Variants in MAP3K5 observed in about 807,000 individuals in gnomAD.
The protein encoded by MAP3K5 is ASK-1.
Under a neutral mutation model 158.7 loss-of-function variants are expected in MAP3K5, and 56 were observed. That is an observed-to-expected ratio of 0.35 (90% CI 0.28 to 0.44). MAP3K5 has a LOEUF of 0.44. MAP3K5 is among the 20% of genes least tolerant of loss of function. The pLI is 1.00. For missense variants in MAP3K5, 1,294 were observed against 1,674.8 expected (o/e 0.77, Z 3.97); for synonymous variants, 579 against 601.7 (o/e 0.96, Z 0.55).
intron 1 of MAP3K5, among the ~76,000 whole-genome samples, chr6:136,728,884 A>G (rs191169544): frequency 6.6e-6 from 1 of 152,252 alleles, no homozygotes; most frequent in East Asian, 1.9e-4. Context: ...GTTGGCCTTA[A>G]AAAGAGTTGA....
intron 3 of MAP3K5, among the ~76,000 whole-genome samples, chr6:136,704,527 C>T (rs906246636): frequency 6.6e-6 from 1 of 152,028 alleles, no homozygotes; most frequent in Admixed American, 6.6e-5. Context: ...ACATTGAATA[C>T]ACTATAAAAG....
At chr6:136,708,499 G>A (rs899076916) in intron 2 of MAP3K5, among the ~76,000 whole-genome samples, 3 of 152,008 alleles carry the variant, frequency 2.0e-5, no homozygotes, top group South Asian at 2.1e-4. Flanking sequence ...CAAGCAATCC[G>A]CCTGCTTCAG....
intron 14 of MAP3K5, among the ~76,000 whole-genome samples, chr6:136,629,516 A>G (rs1387873854): frequency 5.5e-5 from 8 of 144,458 alleles, no homozygotes; most frequent in African/African-American, 1.5e-4. Context: ...GTGCAGTGGC[A>G]CAATCTCAGC....
At chr6:136,786,825 A>T (rs1784869863) in intron 1 of MAP3K5, among the ~76,000 whole-genome samples, 1 of 145,138 alleles carries the variant, frequency 6.9e-6, no homozygotes. Flanking sequence ...TTTTTTTTGA[A>T]ACAGGGTCTC....
At chr6:136,603,339 A>ATTTT (rs746959147) in intron 19 of MAP3K5, among the ~76,000 whole-genome samples, 7 of 132,954 alleles carry the variant, frequency 5.3e-5, no homozygotes, top group African/African-American at 1.7e-4. Context: ...TGCCCCCCTA[A>ATTTT]TTTTTTTTTT....
chr6:136,742,403 G>A (rs1175513332), intron 1 of MAP3K5, among the ~76,000 whole-genome samples: 1 of 151,274 alleles, frequency 6.6e-6, no homozygotes, highest in African/African-American at 2.4e-5. Context: ...TTCAACAAAC[G>A]GTGCTGGAAC....
At chr6:136,734,480 T>A (rs117984119) in intron 1 of MAP3K5, among the ~76,000 whole-genome samples, 2,471 of 143,728 alleles carry the variant, frequency 0.017, 45 homozygotes, top group Non-Finnish European at 0.025. Flanking sequence ...TTGGTAAAAA[T>A]TTCTGTATCG....
rs974569166 is a variant in MAP3K5, at chr6:136,763,512, T to C, written c.448+28198A>G. ...GTGTGTTTTCTACCCACCCTATCTA[T>C]AGAAACTGAAAATTTACAGAGGGAA... On this transcript the variant is annotated intron_variant, in intron 1 of 29. Transcript: ENST00000359015. 9.9e-5 allele frequency among the ~76,000 whole-genome samples: 15 copies of C among 152,194 alleles called. No individual in the cohort carries two copies. In the East Asian group the frequency reaches 1.2e-3, roughly 12 times the overall value.
intron 1 of MAP3K5, among the ~76,000 whole-genome samples, chr6:136,768,858 A>G (rs1784064309): frequency 6.6e-6 from 1 of 152,052 alleles, no homozygotes; most frequent in Non-Finnish European, 1.5e-5. Flanking sequence ...GGTTGCAGTG[A>G]GCCAAGATCG....
intron 23 of MAP3K5, chr6:136,584,621 C>G (rs369778829): frequency 6.6e-6 from 1 of 152,196 alleles, no homozygotes; most frequent in African/African-American, 2.4e-5. Context: ...GTTCCTCCCA[C>G]GACACATGGG....
chr6:136,709,956 T>G (rs1781239027), intron 2 of MAP3K5, among the ~76,000 whole-genome samples: 1 of 152,182 alleles, frequency 6.6e-6, no homozygotes, highest in African/African-American at 2.4e-5. Context: ...AAATCATTCG[T>G]GTAACATCTG....
chr6:136,686,050 G>A (rs1196656750), intron 7 of MAP3K5, among the ~76,000 whole-genome samples: 2 of 152,164 alleles, frequency 1.3e-5, no homozygotes, highest in East Asian at 1.9e-4. Flanking sequence ...GCATGAAAAG[G>A]CATCCATTTT....
intron 1 of MAP3K5, among the ~76,000 whole-genome samples, chr6:136,779,492 A>G (rs1784528435): frequency 1.3e-5 from 2 of 151,638 alleles, no homozygotes; most frequent in Admixed American, 1.3e-4. Flanking sequence ...ATAGTGTGAT[A>G]GAGTGATTAG....
rs148468245 is a variant in MAP3K5 at position 136,700,133 on chromosome 6, G to C, written c.613-1451C>G. Among the ~76,000 whole-genome samples the C allele has an allele frequency of 4.4e-3, 671 of 152,174 alleles. 2 individuals are homozygous for C. Among genetic ancestry groups the C allele is most frequent in the Non-Finnish European group, 7.4e-3 (505 of 68,000 alleles). On this transcript the variant is annotated intron_variant, in intron 3 of 29. Coordinates refer to ENST00000359015, the MANE Select transcript of MAP3K5 (RefSeq NM_005923.4). ...AAGAGAGAGAGAAAGAAGGAAAGAA[G>C]AAGGGAGGAAGGAGGGAGGGAGGAA...
In MAP3K5 at chr6:136,697,377, G is replaced by A. The variant is rs374880750; in HGVS notation, c.817C>T (p.Arg273Trp). The A allele has an allele frequency of 1.3e-5, 21 of 1,604,376 alleles. No homozygotes were observed. The highest frequency in any genetic ancestry group is 9.4e-5 in the African/African-American group (7 of 74,800). Residue 273 changes from arginine to tryptophan, a missense_variant, in exon 5 of 30, where the codon CGG becomes TGG. By Grantham distance (101) the Arg-to-Trp change is moderately radical. Around this residue, in one of 5 missense-constraint regions of MAP3K5, gnomAD observed 690 missense variants for 870.5 expected, o/e 0.79. Transcript: ENST00000359015. ...CTGATGTCATTGAGTATAGATTCCC[G>A]GAAGTACTGGCTGGTAAAAACACAC... is the stretch of plus-strand genomic sequence containing the variant. ...VAQASSSQYF[R>W]ESILNDIRKA...
At chr6:136,787,493 C>G (rs931492366) in intron 1 of MAP3K5, among the ~76,000 whole-genome samples, 2 of 152,156 alleles carry the variant, frequency 1.3e-5, no homozygotes, top group African/African-American at 4.8e-5. Context: ...TCTCAGATAC[C>G]AATTATTCCA....
At chr6:136,560,768 C>T (rs930471997) in intron 28 of MAP3K5, among the ~76,000 whole-genome samples, 3 of 151,524 alleles carry the variant, frequency 2.0e-5, no homozygotes, top group Non-Finnish European at 4.4e-5. Context: ...GGCAACATAG[C>T]GAGACCCTAT....
At position 136,609,960 on chromosome 6, in the gene MAP3K5, G is replaced by A. The variant is rs1583268370; in HGVS notation, c.2521+1322C>T. On this transcript the variant is annotated intron_variant, in intron 18 of 29. Coordinates refer to ENST00000359015, the MANE Select transcript of MAP3K5 (RefSeq NM_005923.4). The surrounding 1 kb of genome is among the most constrained non-coding windows in gnomAD (Gnocchi z 4.4). ...AAACAAAAACAAAAAACCAGTCTGAGTTCTATCCGGTACACACTGCTGTGA... is the reference window on the plus strand; with the variant it reads ...AAACAAAAACAAAAAACCAGTCTGAATTCTATCCGGTACACACTGCTGTGA... Among the ~76,000 whole-genome samples, 1 of 151,870 alleles carries A rather than the reference G, an allele frequency of 6.6e-6. No individual in the cohort carries two copies. Among genetic ancestry groups the A allele is most frequent in the African/African-American group, 2.4e-5 (1 of 41,356 alleles).
intron 1 of MAP3K5, among the ~76,000 whole-genome samples, chr6:136,724,724 A>G (rs1781894182): frequency 6.6e-6 from 1 of 152,204 alleles, no homozygotes; most frequent in African/African-American, 2.4e-5. Context: ...GCTTTTTTCT[A>G]TTTCAAATTC....
Sources: allele counts gnomAD v4.1 joint callset (sites outside exome capture counted in the v4.1 genomes callset), GRCh38; gene constraint gnomAD v4.1.1; regional missense constraint gnomAD v4.1.1; non-coding constraint Gnocchi (gnomAD v3.1); transcripts MANE v1.5; gene names NCBI Gene and HGNC (gene_info 2026-07-23, HGNC 2026-07-21).